Variants in CGNL1 observed in about 807,000 individuals in gnomAD.
CGNL1 encodes cingulin-like protein 1.
In CGNL1, 132 loss-of-function variants were observed where a neutral mutation model predicts 141.2. That is an observed-to-expected ratio of 0.93 (90% CI 0.81 to 1.08). CGNL1 has a LOEUF of 1.08. CGNL1 is among the 50% of genes least tolerant of loss of function. CGNL1 has a pLI of 0.00. For missense variants in CGNL1, 1,870 were observed against 1,588.6 expected (o/e 1.18, Z -3.01); for synonymous variants, 690 against 622.1 (o/e 1.11, Z -1.63).
At chr15:57,418,246 G>C (rs1567104561) in intron 1 of CGNL1, among the ~76,000 whole-genome samples, 1 of 152,196 alleles carries the variant, frequency 6.6e-6, no homozygotes, top group Non-Finnish European at 1.5e-5. Context: ...TAACACCCCA[G>C]TCCATATTTC....
intron 16 of CGNL1, among the ~76,000 whole-genome samples, chr15:57,544,802 G>C (rs1168881266): frequency 6.6e-6 from 1 of 152,226 alleles, no homozygotes; most frequent in Non-Finnish European, 1.5e-5. Flanking sequence ...AAGGTAGCCT[G>C]GCTGGATACT....
At position 57,524,722 on chromosome 15, in the gene CGNL1, C is replaced by T. The variant is rs142707768; in HGVS notation, c.3010C>T (p.Arg1004Ter). 1.4e-5 allele frequency: 23 copies of T among 1,614,004 alleles called. No homozygotes were observed. Among genetic ancestry groups the T allele is most frequent in the Admixed American group, 3.3e-5 (2 of 59,998 alleles). ...GAAAACGCTGGAGGCAGAAAAGTCC[C>T]GACTGACAGCCATGAAAATGCAGGA... ...KEKTLEAEKSRLTAMKMQDEM... is the reference protein window; with the variant it reads ...KEKTLEAEKS The change falls in exon 12 of 19, where the codon CGA becomes TGA. Residue 1004 changes from arginine (R) to a stop codon, truncating the protein, a stop_gained. Coordinates refer to ENST00000281282, the MANE Select transcript of CGNL1 (RefSeq NM_032866.5). LOFTEE classifies it high-confidence loss of function.
At chr15:57,417,479 C>T (rs2062861686) in intron 1 of CGNL1, among the ~76,000 whole-genome samples, 1 of 152,196 alleles carries the variant, frequency 6.6e-6, no homozygotes, top group African/African-American at 2.4e-5. Flanking sequence ...GGTGATCCAC[C>T]TGCCTTGGCC....
chr15:57,385,398 G>T (rs938167124), intron 1 of CGNL1, among the ~76,000 whole-genome samples: 1 of 152,212 alleles, frequency 6.6e-6, no homozygotes, highest in East Asian at 1.9e-4. Flanking sequence ...AGCTGGGCGT[G>T]GGGGCGCATG....
intron 1 of CGNL1, among the ~76,000 whole-genome samples, chr15:57,412,959 A>T (rs577244781): frequency 1.3e-5 from 2 of 151,934 alleles, no homozygotes; most frequent in African/African-American, 4.8e-5. Flanking sequence ...TCCTGGGTTC[A>T]AGGGATTTCT....
intron 4 of CGNL1, among the ~76,000 whole-genome samples, chr15:57,443,393 C>T (rs1035048630): frequency 1.3e-5 from 2 of 152,220 alleles, no homozygotes; most frequent in African/African-American, 4.8e-5. Context: ...GTGTGGAACT[C>T]ATTTCTTGCT....
At chr15:57,539,796 T>C (rs1317918796) in intron 14 of CGNL1, among the ~76,000 whole-genome samples, 1 of 152,170 alleles carries the variant, frequency 6.6e-6, no homozygotes, top group African/African-American at 2.4e-5. Context: ...AGATCCTCCT[T>C]ATTCTTTATA....
intron 14 of CGNL1, among the ~76,000 whole-genome samples, chr15:57,539,158 T>C (rs140621985): frequency 0.018 from 2,676 of 152,288 alleles, 77 homozygotes; most frequent in African/African-American, 0.061. Context: ...TCTGGTATTT[T>C]TCAGGCGCAC....
chr15:57,382,371 A>G (rs531061310), intron 1 of CGNL1, among the ~76,000 whole-genome samples: 21 of 152,322 alleles, frequency 1.4e-4, no homozygotes, highest in Admixed American at 1.4e-3. Context: ...GTTTGGGATT[A>G]GTGCACAGAG....
At chr15:57,503,265 G>C (rs1369917843) in intron 8 of CGNL1, among the ~76,000 whole-genome samples, 1 of 152,198 alleles carries the variant, frequency 6.6e-6, no homozygotes, top group African/African-American at 2.4e-5. Context: ...CCAGGGATGG[G>C]CCAAGTCTCT....
intron 8 of CGNL1, among the ~76,000 whole-genome samples, chr15:57,511,850 A>T (rs2030334523): frequency 6.6e-6 from 1 of 152,226 alleles, no homozygotes; most frequent in Non-Finnish European, 1.5e-5. Context: ...AATCCATGTA[A>T]TTCTTTTAAA....
chr15:57,544,663 G>A (rs1438144635), intron 16 of CGNL1, 66 bp downstream of exon 16: 1 of 1,535,458 alleles, frequency 6.5e-7, no homozygotes, highest in Non-Finnish European at 8.8e-7. Context: ...ATCGCAATGT[G>A]TTGTCACATT....
chr15:57,464,266 G>A (rs2063482080), intron 8 of CGNL1, among the ~76,000 whole-genome samples: 1 of 152,174 alleles, frequency 6.6e-6, no homozygotes, highest in South Asian at 2.1e-4. Context: ...AGAGTTGCCA[G>A]TGAGAGAATG....
chr15:57,416,138 C>A (rs937349507), intron 1 of CGNL1, among the ~76,000 whole-genome samples: 18 of 151,730 alleles, frequency 1.2e-4, no homozygotes, highest in African/African-American at 3.6e-4. Context: ...CATTGCTGAT[C>A]CCTTTTAGTC....
chr15:57,531,804 C>A, intron 14 of CGNL1, 25 bp downstream of exon 14: 2 of 1,384,554 alleles, frequency 1.4e-6, no homozygotes, highest in Non-Finnish European at 2.1e-6. Flanking sequence ...GTGAATGATG[C>A]GTGGATTGTC....
intron 1 of CGNL1, among the ~76,000 whole-genome samples, chr15:57,428,100 A>G (rs1451388973): frequency 6.6e-6 from 1 of 152,216 alleles, no homozygotes; most frequent in Non-Finnish European, 1.5e-5. Context: ...AAATGTGGCA[A>G]GGAGGAAGGC....
intron 1 of CGNL1, among the ~76,000 whole-genome samples, chr15:57,383,111 G>T (rs1161441441): frequency 6.6e-6 from 1 of 152,002 alleles, no homozygotes; most frequent in East Asian, 1.9e-4. Flanking sequence ...ATTAGCCTCC[G>T]TCCTTGCCCT....
rs922465377 is a variant in CGNL1, at chr15:57,516,025, G to T, written c.2404-755G>T. ...TATAAAAAAATTAGCCAGGCGTGGTGGCGGGCGCCTGTAGTCCCAGCTACT... is the reference window on the plus strand; with the variant it reads ...TATAAAAAAATTAGCCAGGCGTGGTTGCGGGCGCCTGTAGTCCCAGCTACT... On this transcript the variant is annotated intron_variant, in intron 8 of 18. Transcript: ENST00000281282. Among the ~76,000 whole-genome samples, 6 of 151,982 alleles carry T rather than the reference G, an allele frequency of 3.9e-5. No individual in the cohort carries two copies. The East Asian group carries it at 7.8e-4, about 20-fold the overall frequency.
At chr15:57,535,027 G>A (rs907115365) in intron 14 of CGNL1, among the ~76,000 whole-genome samples, 3 of 152,208 alleles carry the variant, frequency 2.0e-5, no homozygotes, top group Non-Finnish European at 2.9e-5. Flanking sequence ...TTAGTGAATG[G>A]CCAACCCCTC....
Sources: allele counts gnomAD v4.1 joint callset (sites outside exome capture counted in the v4.1 genomes callset), GRCh38; gene constraint gnomAD v4.1.1; transcripts MANE v1.5; gene names NCBI Gene and HGNC (gene_info 2026-07-23, HGNC 2026-07-21).